Variants in SEMA6D observed in about 807,000 individuals in gnomAD.
SEMA6D encodes the protein semaphorin 6D, also known as semaphorin-6D.
A neutral mutation model predicts 106.6 loss-of-function variants in SEMA6D; 35 were observed. The observed-to-expected ratio is 0.33, with a 90% CI of 0.25 to 0.44. The LOEUF is 0.44. SEMA6D is among the 20% of genes least tolerant of loss of function. The pLI, the probability that SEMA6D is intolerant of heterozygous loss-of-function variation, is 1.00. For synonymous variants in SEMA6D, 499 were observed against 487.7 expected (o/e 1.02, Z -0.31); for missense variants, 1,185 against 1,345.9 (o/e 0.88, Z 1.87).
At chr15:47,667,604 G>A (rs577806471) in intron 4 of SEMA6D, among the ~76,000 whole-genome samples, 2 of 152,188 alleles carry the variant, frequency 1.3e-5, no homozygotes, top group East Asian at 1.9e-4. Flanking sequence ...AGTTGCAGAG[G>A]CTGGGAAGTC....
chr15:47,763,370 T>C (rs10519143), intron 9 of SEMA6D, among the ~76,000 whole-genome samples: 1 of 152,028 alleles, frequency 6.6e-6, no homozygotes, highest in Non-Finnish European at 1.5e-5. Flanking sequence ...ACAGGTACCC[T>C]TGAGCTACGG....
At chr15:47,352,791 G>A (rs2038376864) in intron 1 of SEMA6D, among the ~76,000 whole-genome samples, 1 of 152,124 alleles carries the variant, frequency 6.6e-6, no homozygotes, top group Non-Finnish European at 1.5e-5. Context: ...TGAACATTAA[G>A]TATACTCCCA....
intron 1 of SEMA6D, among the ~76,000 whole-genome samples, chr15:47,340,524 A>G (rs1207544677): frequency 6.6e-6 from 1 of 152,164 alleles, no homozygotes; most frequent in Non-Finnish European, 1.5e-5. Context: ...TGCTGTCAGG[A>G]GAAAAGAATA....
At chr15:47,732,873 A>T (rs1331097352) in intron 1 of SEMA6D, among the ~76,000 whole-genome samples, 1 of 152,172 alleles carries the variant, frequency 6.6e-6, no homozygotes, top group African/African-American at 2.4e-5. Flanking sequence ...CTTTCACTAT[A>T]CTTCCATATT....
At chr15:47,287,756 C>T (rs1482914188) in intron 1 of SEMA6D, among the ~76,000 whole-genome samples, 1 of 152,170 alleles carries the variant, frequency 6.6e-6, no homozygotes, top group Non-Finnish European at 1.5e-5. Flanking sequence ...TCACTTCATT[C>T]TGTTCATTTT....
intron 3 of SEMA6D, among the ~76,000 whole-genome samples, chr15:47,521,142 A>G (rs1028760344): frequency 1.3e-5 from 2 of 152,340 alleles, no homozygotes; most frequent in South Asian, 4.1e-4. Flanking sequence ...ACGTGGGTCA[A>G]CATGGACTCA....
chr15:47,312,159 T>TTTTTC, intron 1 of SEMA6D, among the ~76,000 whole-genome samples: 1 of 150,606 alleles, frequency 6.6e-6, no homozygotes, highest in Non-Finnish European at 1.5e-5. Flanking sequence ...TTTTTTTTTT[T>TTTTTC]CCCCATTACC....
At chr15:47,628,166 T>G (rs952729632) in intron 4 of SEMA6D, among the ~76,000 whole-genome samples, 3 of 152,034 alleles carry the variant, frequency 2.0e-5, no homozygotes, top group Non-Finnish European at 4.4e-5. Context: ...TGTTTCCAAT[T>G]TGGGGCTATT....
intron 2 of SEMA6D, among the ~76,000 whole-genome samples, chr15:47,468,167 GTGTT>G (rs999872401): frequency 2.0e-5 from 3 of 152,176 alleles, no homozygotes; most frequent in Non-Finnish European, 4.4e-5. Context: ...ATGTTACTGT[GTGTT>G]TGTGTGCGGG....
chr15:47,239,592 T>TCACGTCTTAGGTTCAAATCCTTCTGTGTC (rs2032778464), intron 1 of SEMA6D, among the ~76,000 whole-genome samples: 1 of 152,164 alleles, frequency 6.6e-6, no homozygotes, highest in African/African-American at 2.4e-5. Flanking sequence ...GCTTCGGAGT[T>TCACGTCTTAGGTTCAAATCCTTCTGTGTC]CACGTCTTAG....
At chr15:47,235,666 C>T (rs757196864) in intron 1 of SEMA6D, among the ~76,000 whole-genome samples, 8 of 152,044 alleles carry the variant, frequency 5.3e-5, no homozygotes, top group Non-Finnish European at 8.8e-5. Flanking sequence ...CTATTCTGTT[C>T]CATTGATCTA....
intron 1 of SEMA6D, among the ~76,000 whole-genome samples, chr15:47,295,451 A>G (rs1292401150): frequency 6.6e-6 from 1 of 152,174 alleles, no homozygotes; most frequent in Non-Finnish European, 1.5e-5. Flanking sequence ...GGTCCTTTTC[A>G]AGGCCTAATT....
chr15:47,586,045 C>G (rs964265178), intron 3 of SEMA6D, among the ~76,000 whole-genome samples: 3 of 152,182 alleles, frequency 2.0e-5, no homozygotes, highest in Non-Finnish European at 4.4e-5. Context: ...ATACTCACTT[C>G]AATAAACCTG....
intron 3 of SEMA6D, among the ~76,000 whole-genome samples, chr15:47,554,008 A>C (rs1226600924): frequency 6.6e-6 from 1 of 152,172 alleles, no homozygotes; most frequent in African/African-American, 2.4e-5. Flanking sequence ...AAGGCATGGG[A>C]AAGGAAACCA....
intron 1 of SEMA6D, among the ~76,000 whole-genome samples, chr15:47,347,183 CA>C (rs2038080299): frequency 6.6e-6 from 1 of 152,218 alleles, no homozygotes; most frequent in Non-Finnish European, 1.5e-5. Flanking sequence ...GCTGGGATTA[CA>C]GGCATGAGCT....
At chr15:47,383,470 G>T (rs1392337992) in intron 1 of SEMA6D, among the ~76,000 whole-genome samples, 1 of 152,158 alleles carries the variant, frequency 6.6e-6, no homozygotes, top group Non-Finnish European at 1.5e-5. Context: ...GCCAGTGCTG[G>T]CCTTCCTCAA....
chr15:47,338,763 T>A (rs970095914), intron 1 of SEMA6D, among the ~76,000 whole-genome samples: 2 of 152,150 alleles, frequency 1.3e-5, no homozygotes, highest in African/African-American at 2.4e-5. Flanking sequence ...ATAGATATAT[T>A]GGTTTTTAAT....
chr15:47,613,900 G>A (rs543532364), intron 4 of SEMA6D, among the ~76,000 whole-genome samples: 12 of 152,132 alleles, frequency 7.9e-5, no homozygotes, highest in Admixed American at 7.2e-4. Context: ...GCCCGCCTCG[G>A]CCTCCCAAAA....
chr15:47,573,259 C>T (rs1168631328), intron 3 of SEMA6D, among the ~76,000 whole-genome samples: 2 of 151,880 alleles, frequency 1.3e-5, no homozygotes, highest in Non-Finnish European at 2.9e-5. Flanking sequence ...CAAAATAATA[C>T]TCAAGATTTG....
Sources: gnomAD v4.1 joint callset for allele counts (sites outside exome capture counted in the v4.1 genomes callset) on GRCh38, gnomAD v4.1.1 for gene constraint, MANE v1.5 for transcripts, NCBI Gene and HGNC (gene_info 2026-07-23, HGNC 2026-07-21) for gene names.